Variants in ZFYVE9 observed in about 807,000 individuals in gnomAD.
ZFYVE9 encodes zinc finger FYVE-type containing 9.
ZFYVE9 carries 43 observed loss-of-function variants against 126.7 expected under a neutral mutation model. The observed-to-expected ratio is 0.34, with a 90% CI of 0.27 to 0.44. ZFYVE9 has a LOEUF of 0.44. Among genes scored for constraint, ZFYVE9 ranks in the 20% least tolerant of loss-of-function variants. The pLI, the probability that ZFYVE9 is intolerant of heterozygous loss-of-function variation, is 1.00. For synonymous variants in ZFYVE9, 521 were observed against 597.4 expected (o/e 0.87, Z 1.87); for missense variants, 1,476 against 1,697.0 (o/e 0.87, Z 2.29).
chr1:52,312,796 C>A (rs1314159329), intron 13 of ZFYVE9, among the ~76,000 whole-genome samples: 1 of 152,132 alleles, frequency 6.6e-6, no homozygotes, highest in Non-Finnish European at 1.5e-5. Context: ...CACTTTTGCC[C>A]ATGTTGGAAT....
At chr1:52,147,849 A>G (rs896291919) in intron 1 of ZFYVE9, among the ~76,000 whole-genome samples, 4 of 152,148 alleles carry the variant, frequency 2.6e-5, no homozygotes, top group African/African-American at 7.2e-5. Flanking sequence ...GAAGGTTCCA[A>G]TTTCTTCACG....
chr1:52,231,717 G>A (rs944469057), intron 2 of ZFYVE9, among the ~76,000 whole-genome samples: 10 of 151,884 alleles, frequency 6.6e-5, no homozygotes, highest in African/African-American at 1.2e-4. Context: ...TCCACCTCCC[G>A]GGTTCAAGTG....
At chr1:52,187,564 A>G (rs1644776185) in intron 1 of ZFYVE9, among the ~76,000 whole-genome samples, 1 of 152,278 alleles carries the variant, frequency 6.6e-6, no homozygotes, top group South Asian at 2.1e-4. Context: ...TGCATCTGAC[A>G]AAGGTCTGAT....
intron 6 of ZFYVE9, among the ~76,000 whole-genome samples, chr1:52,267,363 G>A (rs928710727): frequency 2.0e-5 from 3 of 152,152 alleles, no homozygotes; most frequent in Admixed American, 2.0e-4. Flanking sequence ...TATATCATAT[G>A]ATAGGTAGAA....
intron 1 of ZFYVE9, among the ~76,000 whole-genome samples, chr1:52,169,973 A>G (rs949685046): frequency 3.1e-4 from 47 of 152,186 alleles, no homozygotes; most frequent in African/African-American, 1.1e-3. Context: ...TGTAACAGTT[A>G]CATACGTTGG....
At chr1:52,148,856 G>A (rs1186909193) in intron 1 of ZFYVE9, among the ~76,000 whole-genome samples, 2 of 150,884 alleles carry the variant, frequency 1.3e-5, no homozygotes, top group African/African-American at 4.9e-5. Context: ...TGGCCAGGCC[G>A]GTCTCAAACT....
At chr1:52,182,216 C>T (rs1039476570) in intron 1 of ZFYVE9, among the ~76,000 whole-genome samples, 39 of 152,186 alleles carry the variant, frequency 2.6e-4, no homozygotes, top group African/African-American at 8.9e-4. Context: ...GTGAGGAGCC[C>T]CTCTGCCCGG....
intron 10 of ZFYVE9, among the ~76,000 whole-genome samples, chr1:52,284,835 T>C (rs974976399): frequency 2.6e-5 from 4 of 152,188 alleles, no homozygotes; most frequent in African/African-American, 9.7e-5. Context: ...AATGATAGTC[T>C]AAGGTCAGAC....
At chr1:52,280,592 GA>G (rs1645793736) in intron 9 of ZFYVE9, among the ~76,000 whole-genome samples, 1 of 152,158 alleles carries the variant, frequency 6.6e-6, no homozygotes, top group Admixed American at 6.5e-5. Context: ...GTTGGGGTAT[GA>G]AGAGTAAAAG....
At chr1:52,252,323 G>C (rs1645456321) in intron 4 of ZFYVE9, 1 of 156,982 alleles carries the variant, frequency 6.4e-6, no homozygotes, top group Non-Finnish European at 1.4e-5. Flanking sequence ...TGTTGTTGTT[G>C]TTGTTGTTTG....
chr1:52,255,970 TTC>T (rs1321096922), intron 4 of ZFYVE9, among the ~76,000 whole-genome samples: 6 of 134,988 alleles, frequency 4.4e-5, no homozygotes, highest in Admixed American at 7.4e-5. Context: ...TTTCTTTTCT[TTC>T]TTTCTTTCTT....
chr1:52,306,702 G>T (rs564476410), intron 13 of ZFYVE9, among the ~76,000 whole-genome samples: 2 of 152,358 alleles, frequency 1.3e-5, no homozygotes, highest in Middle Eastern at 3.4e-3. Flanking sequence ...TTGGGGCCCT[G>T]TGGTTACTGA....
At chr1:52,291,595 G>A (rs1645920851) in intron 10 of ZFYVE9, among the ~76,000 whole-genome samples, 1 of 152,182 alleles carries the variant, frequency 6.6e-6, no homozygotes, top group African/African-American at 2.4e-5. Context: ...CAGGCATGGT[G>A]TACATGAATT....
intron 1 of ZFYVE9, among the ~76,000 whole-genome samples, chr1:52,211,082 G>A (rs1022724390): frequency 2.6e-5 from 4 of 152,276 alleles, no homozygotes; most frequent in South Asian, 2.1e-4. Flanking sequence ...TGGGCTTTCC[G>A]TGTGGTTTCT....
chr1:52,162,522 TA>T, intron 1 of ZFYVE9: 3 of 263,276 alleles, frequency 1.1e-5, no homozygotes, highest in Non-Finnish European at 1.6e-5. Context: ...ATCTATTCCC[TA>T]AAAATGCACA....
intron 4 of ZFYVE9, among the ~76,000 whole-genome samples, chr1:52,262,233 C>T (rs1197902075): frequency 6.6e-6 from 1 of 152,184 alleles, no homozygotes; most frequent in Non-Finnish European, 1.5e-5. Flanking sequence ...TTTTATAGGG[C>T]ACTAATCCCA....
At chr1:52,277,566 A>G (rs548605793) in intron 8 of ZFYVE9, among the ~76,000 whole-genome samples, 34 of 152,330 alleles carry the variant, frequency 2.2e-4, no homozygotes, top group Admixed American at 4.6e-4. Context: ...AATGGAGTAG[A>G]TATTTCCCAT....
intron 5 of ZFYVE9, among the ~76,000 whole-genome samples, chr1:52,265,576 T>C (rs1296813658): frequency 2.0e-5 from 3 of 152,230 alleles, no homozygotes; most frequent in African/African-American, 7.2e-5. Context: ...AATTATAGGG[T>C]ACACAGAATC....
intron 8 of ZFYVE9, among the ~76,000 whole-genome samples, chr1:52,275,547 A>G (rs1372177021): frequency 6.6e-6 from 1 of 152,144 alleles, no homozygotes; most frequent in African/African-American, 2.4e-5. Flanking sequence ...CCTCACCAGC[A>G]TCCATGGTTT....
Sources: allele counts gnomAD v4.1 joint callset (sites outside exome capture counted in the v4.1 genomes callset), GRCh38; gene constraint gnomAD v4.1.1; transcripts MANE v1.5; gene names NCBI Gene and HGNC (gene_info 2026-07-23, HGNC 2026-07-21).